The following SGCZ variants were observed in gnomAD, a reference collection of about 807,000 sequenced individuals.
SGCZ encodes sarcoglycan zeta, also known as zeta-sarcoglycan.
Under a neutral mutation model 41.3 loss-of-function variants are expected in SGCZ, and 40 were observed. The observed-to-expected ratio is 0.97, with a 90% CI of 0.75 to 1.26. The LOEUF is 1.26. Among genes scored for constraint, SGCZ ranks in the 50% most tolerant of loss-of-function variants. The probability of loss-of-function intolerance (pLI) is 0.00; values close to 1 mark genes in which losing one functional copy is unlikely to be tolerated. For missense variants in SGCZ, 552 were observed against 369.8 expected (o/e 1.49, Z -4.04); for synonymous variants, 206 against 137.5 (o/e 1.50, Z -3.49).
At chr8:15,181,504 G>C (rs1346926079) in intron 1 of SGCZ, among the ~76,000 whole-genome samples, 1 of 152,140 alleles carries the variant, frequency 6.6e-6, no homozygotes. Flanking sequence ...AACAGTGTGA[G>C]ATACAAATTT....
At chr8:14,170,839 A>T (rs1804357801) in intron 4 of SGCZ, among the ~76,000 whole-genome samples, 1 of 152,164 alleles carries the variant, frequency 6.6e-6, no homozygotes, top group South Asian at 2.1e-4. Flanking sequence ...ACATGCAATG[A>T]ACAAATACTA....
chr8:15,062,322 C>T (rs1362711324), intron 1 of SGCZ, among the ~76,000 whole-genome samples: 1 of 152,052 alleles, frequency 6.6e-6, no homozygotes, highest in Non-Finnish European at 1.5e-5. Context: ...GAAAATAAAG[C>T]CTCTTCTTCT....
chr8:14,998,894 G>T (rs1019629700), intron 1 of SGCZ, among the ~76,000 whole-genome samples: 1 of 152,208 alleles, frequency 6.6e-6, no homozygotes, highest in Non-Finnish European at 1.5e-5. Context: ...CTGAGCCAAA[G>T]AGGATCACTA....
intron 1 of SGCZ, among the ~76,000 whole-genome samples, chr8:14,974,258 G>A (rs1801393453): frequency 6.6e-6 from 1 of 152,104 alleles, no homozygotes; most frequent in Non-Finnish European, 1.5e-5. Flanking sequence ...AAGTTCTTAT[G>A]TAAAACAGAA....
At chr8:14,180,501 T>C (rs1804686964) in intron 4 of SGCZ, among the ~76,000 whole-genome samples, 1 of 151,670 alleles carries the variant, frequency 6.6e-6, no homozygotes. Context: ...TAGAACAAAA[T>C]ATAGACTGGA....
intron 1 of SGCZ, among the ~76,000 whole-genome samples, chr8:14,795,952 T>C (rs1801113840): frequency 6.6e-6 from 1 of 152,186 alleles, no homozygotes; most frequent in African/African-American, 2.4e-5. Context: ...TGTGTTAGTT[T>C]TCTAAGGATA....
At chr8:14,603,483 T>C (rs182553191) in intron 1 of SGCZ, among the ~76,000 whole-genome samples, 42 of 151,648 alleles carry the variant, frequency 2.8e-4, no homozygotes, top group African/African-American at 7.7e-4. Flanking sequence ...CCAAGAAGCT[T>C]AGGTACCGAA....
intron 1 of SGCZ, among the ~76,000 whole-genome samples, chr8:14,938,124 T>G (rs142776710): frequency 6.6e-6 from 1 of 152,320 alleles, no homozygotes; most frequent in East Asian, 1.9e-4. Context: ...TTTTTGGTGT[T>G]GTTCACTGTT....
intron 1 of SGCZ, among the ~76,000 whole-genome samples, chr8:14,851,392 AAAAAAAG>A (rs1361572933): frequency 3.8e-4 from 55 of 146,214 alleles, no homozygotes; most frequent in Non-Finnish European, 1.2e-4. Flanking sequence ...AAAAAAAAAG[AAAAAAAG>A]AAAAAAGAAA....
At chr8:14,738,733 A>T (rs1381268929) in intron 1 of SGCZ, among the ~76,000 whole-genome samples, 1 of 152,120 alleles carries the variant, frequency 6.6e-6, no homozygotes, top group South Asian at 2.1e-4. Context: ...ATGGTAGGTC[A>T]TGAAAGTTGG....
intron 1 of SGCZ, among the ~76,000 whole-genome samples, chr8:14,695,864 T>C (rs1510455): frequency 0.39 from 59,677 of 151,832 alleles, 14,075 homozygotes; most frequent in Non-Finnish European, 0.54. Context: ...CATTGCTAGA[T>C]CAATAAAGAA....
At chr8:14,624,527 A>T (rs1806384927) in intron 1 of SGCZ, among the ~76,000 whole-genome samples, 1 of 148,268 alleles carries the variant, frequency 6.7e-6, no homozygotes, top group Non-Finnish European at 1.5e-5. Context: ...AAGAAACATA[A>T]ATATCACTCC....
chr8:14,982,957 G>A (rs1211596750), intron 1 of SGCZ, among the ~76,000 whole-genome samples: 2 of 152,126 alleles, frequency 1.3e-5, no homozygotes, highest in East Asian at 3.9e-4. Flanking sequence ...GGAAGTAGTT[G>A]GAATCCCAAT....
intron 2 of SGCZ, among the ~76,000 whole-genome samples, chr8:14,528,818 C>T (rs1187325305): frequency 1.9e-4 from 21 of 112,034 alleles, no homozygotes; most frequent in Non-Finnish European, 1.2e-4. Flanking sequence ...CACAACATCA[C>T]GGACCAGCCA....
At chr8:14,392,400 G>C (rs750233600) in intron 2 of SGCZ, among the ~76,000 whole-genome samples, 23 of 152,140 alleles carry the variant, frequency 1.5e-4, no homozygotes, top group Non-Finnish European at 3.1e-4. Flanking sequence ...TCACTGAACT[G>C]AGGAGCCCAT....
chr8:14,148,146 C>T (rs527476404), intron 5 of SGCZ, among the ~76,000 whole-genome samples: 2 of 151,972 alleles, frequency 1.3e-5, no homozygotes, highest in East Asian at 1.9e-4. Flanking sequence ...TCTTAAAGAA[C>T]TAGGAATGCA....
chr8:15,152,728 G>C (rs268376), intron 1 of SGCZ, among the ~76,000 whole-genome samples: 24 of 152,080 alleles, frequency 1.6e-4, no homozygotes, highest in Non-Finnish European at 3.4e-4. Flanking sequence ...TCCAGAGTAC[G>C]TATCTTATTC....
At chr8:14,784,913 A>AAAATATATATAT (rs1408574493) in intron 1 of SGCZ, among the ~76,000 whole-genome samples, 5 of 88,020 alleles carry the variant, frequency 5.7e-5, no homozygotes, top group African/African-American at 1.4e-4. Flanking sequence ...AAAAAAAAAA[A>AAAATATATATAT]ATATATATAT....
intron 2 of SGCZ, among the ~76,000 whole-genome samples, chr8:14,387,776 T>C (rs765179140): frequency 2.0e-5 from 3 of 152,074 alleles, no homozygotes; most frequent in Non-Finnish European, 2.9e-5. Context: ...ATTACTCCCA[T>C]TAAGGTTCTA....
Sources: gnomAD v4.1 joint callset for allele counts (sites outside exome capture counted in the v4.1 genomes callset) on GRCh38, gnomAD v4.1.1 for gene constraint, MANE v1.5 for transcripts, NCBI Gene and HGNC (gene_info 2026-07-23, HGNC 2026-07-21) for gene names.